Variants in FRMD4B observed in about 807,000 individuals in gnomAD.
The protein encoded by FRMD4B is FERM domain-containing protein 4B.
Under a neutral mutation model 141.5 loss-of-function variants are expected in FRMD4B, and 74 were observed. The observed-to-expected ratio is 0.52, with a 90% CI of 0.43 to 0.63. The LOEUF is 0.63. FRMD4B is among the 30% of genes least tolerant of loss of function. The probability of loss-of-function intolerance (pLI) is 0.00; values close to 1 mark genes in which losing one functional copy is unlikely to be tolerated. For synonymous variants in FRMD4B, 506 were observed against 467.9 expected, an observed-to-expected ratio of 1.08 and a Z score of -1.05; for missense variants, 1,366 against 1,253.4, an observed-to-expected ratio of 1.09 and a Z score of -1.36.
chr3:69,521,144 G>A (rs1286635736), intron 1 of FRMD4B, among the ~76,000 whole-genome samples: 1 of 152,104 alleles, frequency 6.6e-6, no homozygotes, highest in Non-Finnish European at 1.5e-5. Flanking sequence ...GACCCCAGAT[G>A]GTCCCCCACC....
intron 1 of FRMD4B, among the ~76,000 whole-genome samples, chr3:69,348,965 T>C (rs1703040898): frequency 6.6e-6 from 1 of 152,214 alleles, no homozygotes; most frequent in Admixed American, 6.5e-5. Context: ...TGTTGGAAGT[T>C]CTGGCCAGGG....
intron 1 of FRMD4B, among the ~76,000 whole-genome samples, chr3:69,346,225 G>C (rs1256804355): frequency 6.6e-6 from 1 of 152,038 alleles, no homozygotes; most frequent in Non-Finnish European, 1.5e-5. Context: ...GGAAGAAAGG[G>C]TATGAGTGAT....
chr3:69,252,679 A>C (rs887236640), intron 5 of FRMD4B, among the ~76,000 whole-genome samples: 1 of 152,200 alleles, frequency 6.6e-6, no homozygotes, highest in African/African-American at 2.4e-5. Flanking sequence ...TAAGACTTAA[A>C]AAGAACTCCA....
intron 1 of FRMD4B, among the ~76,000 whole-genome samples, chr3:69,500,486 T>C (rs1706474566): frequency 6.6e-6 from 1 of 152,102 alleles, no homozygotes; most frequent in Admixed American, 6.6e-5. Context: ...GTCAGGATGC[T>C]GGCTGATGGT....
At chr3:69,329,527 T>G (rs1188038492) in intron 1 of FRMD4B, among the ~76,000 whole-genome samples, 4 of 118,442 alleles carry the variant, frequency 3.4e-5, no homozygotes, top group Admixed American at 8.5e-5. Context: ...TTTTTTTTTT[T>G]TTTTTTTTTT....
At chr3:69,200,164 T>C (rs772520213) in intron 11 of FRMD4B, among the ~76,000 whole-genome samples, 7 of 152,116 alleles carry the variant, frequency 4.6e-5, no homozygotes, top group Non-Finnish European at 1.0e-4. Context: ...AACCTCATCA[T>C]GTAAAGGAAC....
At chr3:69,254,071 C>T (rs996666800) in intron 5 of FRMD4B, among the ~76,000 whole-genome samples, 3 of 152,096 alleles carry the variant, frequency 2.0e-5, no homozygotes, top group Non-Finnish European at 4.4e-5. Context: ...CAGAGCAAGA[C>T]CCTGTCTCAA....
At chr3:69,209,760 C>T (rs1187877662) in intron 11 of FRMD4B, among the ~76,000 whole-genome samples, 1 of 152,166 alleles carries the variant, frequency 6.6e-6, no homozygotes, top group Non-Finnish European at 1.5e-5. Flanking sequence ...ATTCTAAAAT[C>T]CAATTATTTT....
chr3:69,229,329 C>A (rs1002398436), intron 7 of FRMD4B, among the ~76,000 whole-genome samples: 2 of 152,090 alleles, frequency 1.3e-5, no homozygotes, highest in African/African-American at 2.4e-5. Flanking sequence ...GCCAGCCCCC[C>A]AAAATTACAT....
chr3:69,316,383 A>C (rs1701803514), intron 1 of FRMD4B, among the ~76,000 whole-genome samples: 1 of 152,188 alleles, frequency 6.6e-6, no homozygotes, highest in Non-Finnish European at 1.5e-5. Context: ...AAAAGTTTAC[A>C]ACATGGCAAC....
intron 2 of FRMD4B, among the ~76,000 whole-genome samples, chr3:69,430,356 A>G (rs549441183): frequency 5.9e-5 from 9 of 152,266 alleles, no homozygotes; most frequent in African/African-American, 1.9e-4. Context: ...AGGCCTATTT[A>G]GGCTGATCCT....
chr3:69,513,442 A>G (rs903926074), intron 1 of FRMD4B, among the ~76,000 whole-genome samples: 5 of 152,230 alleles, frequency 3.3e-5, no homozygotes, highest in Non-Finnish European at 7.4e-5. Context: ...GCCCAGGACC[A>G]GATGGCTTCA....
chr3:69,247,129 T>C (rs1013006908), intron 7 of FRMD4B, among the ~76,000 whole-genome samples: 21 of 152,108 alleles, frequency 1.4e-4, no homozygotes, highest in Admixed American at 1.4e-3. Context: ...AAATTAATAA[T>C]AATAGCCCAA....
intron 1 of FRMD4B, among the ~76,000 whole-genome samples, chr3:69,458,887 C>A (rs1241900580): frequency 6.9e-6 from 1 of 144,328 alleles, no homozygotes; most frequent in Non-Finnish European, 1.5e-5. Context: ...GTCTAATTTG[C>A]TCCAAAGACC....
chr3:69,291,287 T>C (rs1700863660), intron 4 of FRMD4B, among the ~76,000 whole-genome samples: 1 of 152,200 alleles, frequency 6.6e-6, no homozygotes, highest in African/African-American at 2.4e-5. Context: ...ACAGGGACTG[T>C]ATTAAAAACA....
intron 2 of FRMD4B, among the ~76,000 whole-genome samples, chr3:69,427,331 T>G (rs1338678534): frequency 1.3e-5 from 2 of 148,586 alleles, no homozygotes; most frequent in African/African-American, 4.9e-5. Context: ...AATATACCTG[T>G]TTTTTTGGCA....
chr3:69,526,352 G>T (rs1398135151), intron 1 of FRMD4B, among the ~76,000 whole-genome samples: 1 of 152,140 alleles, frequency 6.6e-6, no homozygotes, highest in African/African-American at 2.4e-5. Context: ...TTTTTCAGGG[G>T]CTGCCTCCCA....
rs1300845901 is a variant in FRMD4B at position 69,366,096 on chromosome 3, C to T, written c.162+19732G>A. On this transcript the variant is annotated intron_variant, in intron 1 of 22. Transcript: ENST00000398540. ...ACACACACACACACACACACACACA[C>T]ACACACACACAAAATTAGCTGGTCA... 2.0e-5 allele frequency among the ~76,000 whole-genome samples: 3 copies of T among 151,016 alleles called. No homozygotes were observed. In the South Asian group the frequency reaches 6.3e-4, roughly 32 times the overall value.
intron 1 of FRMD4B, among the ~76,000 whole-genome samples, chr3:69,479,779 C>T (rs909149108): frequency 4.6e-5 from 7 of 152,196 alleles, no homozygotes; most frequent in African/African-American, 1.4e-4. Flanking sequence ...GGAAGTTCTC[C>T]TGGATAATAT....
Sources: gnomAD v4.1 joint callset for allele counts (sites outside exome capture counted in the v4.1 genomes callset) on GRCh38, gnomAD v4.1.1 for gene constraint, MANE v1.5 for transcripts, NCBI Gene and HGNC (gene_info 2026-07-23, HGNC 2026-07-21) for gene names.